ROR2: variants seen among roughly 807,000 people sequenced by gnomAD.
ROR2 encodes the protein ROR family WNT receptor 2.
Under a neutral mutation model 74.9 loss-of-function variants are expected in ROR2, and 33 were observed. The observed-to-expected ratio is 0.44, with a 90% confidence interval of 0.33 to 0.59. The LOEUF (loss-of-function observed/expected upper bound fraction) is 0.59. ROR2 is among the 20% of genes least tolerant of loss of function. The pLI, the probability that ROR2 is intolerant of heterozygous loss-of-function variation, is 0.02. For missense variants in ROR2, 1,216 were observed against 1,313.8 expected (o/e 0.93, Z 1.15); for synonymous variants, 586 against 558.7 (o/e 1.05, Z -0.69).
intron 1 of ROR2, among the ~76,000 whole-genome samples, chr9:91,944,970 A>G (rs1831974485): frequency 6.6e-6 from 1 of 152,134 alleles, no homozygotes; most frequent in Non-Finnish European, 1.5e-5. Context: ...ATGGGAGGAT[A>G]ACTTGAGCCC....
At chr9:91,908,976 A>G (rs1259891355) in intron 1 of ROR2, among the ~76,000 whole-genome samples, 1 of 152,200 alleles carries the variant, frequency 6.6e-6, no homozygotes, top group Non-Finnish European at 1.5e-5. Flanking sequence ...TGTTGTCAGT[A>G]TCGAGCCAAC....
chr9:91,737,661 T>G, intron 4 of ROR2, 143 bp from the exon 5 acceptor site: 1 of 1,113,592 alleles, frequency 9.0e-7, no homozygotes, highest in Non-Finnish European at 1.3e-6. Flanking sequence ...GTAGAACACA[T>G]AAGTCACACA....
intron 1 of ROR2, chr9:91,887,323 G>A (rs1830310720): frequency 6.6e-6 from 1 of 152,184 alleles, no homozygotes; most frequent in African/African-American, 2.4e-5. Flanking sequence ...CCCCTCCAAT[G>A]GCACCCACAA....
At chr9:91,894,453 G>C (rs893199063) in intron 1 of ROR2, among the ~76,000 whole-genome samples, 24 of 152,190 alleles carry the variant, frequency 1.6e-4, no homozygotes, top group African/African-American at 5.1e-4. Flanking sequence ...TTGGTGTCCA[G>C]TGAGGCAATT....
At chr9:91,753,149 T>A (rs985565232) in intron 4 of ROR2, among the ~76,000 whole-genome samples, 6 of 152,218 alleles carry the variant, frequency 3.9e-5, no homozygotes, top group Admixed American at 3.3e-4. Context: ...AAGGAAATCA[T>A]GACATTCTTT....
intron 1 of ROR2, among the ~76,000 whole-genome samples, chr9:91,936,340 A>G (rs1379534096): frequency 6.6e-6 from 1 of 152,066 alleles, no homozygotes; most frequent in Non-Finnish European, 1.5e-5. Flanking sequence ...GCTCCTTCTG[A>G]GGGTCCTCGG....
rs548634783 is a variant in ROR2, at chr9:91,822,341, T to C, written c.98-46523A>G. On this transcript the variant is annotated intron_variant, in intron 1 of 8. Transcript: ENST00000375708. The stretch of plus-strand genomic sequence containing the variant: ...AACAGTTCATCTTCACTCTGGACGA[T>C]GTGGATGTATAATACAAGGTGAGCT... 1.4e-4 allele frequency among the ~76,000 whole-genome samples: 21 copies of C among 152,248 alleles called. No homozygotes were observed. The South Asian group carries it at 4.2e-3, about 30-fold the overall frequency.
intron 1 of ROR2, among the ~76,000 whole-genome samples, chr9:91,783,315 T>C (rs566699422): frequency 2.0e-5 from 3 of 152,316 alleles, no homozygotes; most frequent in South Asian, 2.1e-4. Flanking sequence ...GGGAAAGCAT[T>C]ATTTGTCTTC....
At chr9:91,864,098 C>G (rs1421576644) in intron 1 of ROR2, among the ~76,000 whole-genome samples, 1 of 152,130 alleles carries the variant, frequency 6.6e-6, no homozygotes, top group Non-Finnish European at 1.5e-5. Flanking sequence ...CTCCTGGACC[C>G]CCTTAAATAT....
chr9:91,874,577 C>G (rs1829902867), intron 1 of ROR2, among the ~76,000 whole-genome samples: 1 of 152,196 alleles, frequency 6.6e-6, no homozygotes, highest in Non-Finnish European at 1.5e-5. Context: ...GCCTGCTTCA[C>G]AGATTTCTTC....
intron 1 of ROR2, among the ~76,000 whole-genome samples, chr9:91,878,350 C>G (rs2119356199): frequency 6.6e-6 from 1 of 152,266 alleles, no homozygotes; most frequent in East Asian, 1.9e-4. Context: ...GATGATTCAC[C>G]CCTCATGGTC....
chr9:91,919,590 G>GTT (rs143540271), intron 1 of ROR2, among the ~76,000 whole-genome samples: 3,178 of 151,524 alleles, frequency 0.021, 112 homozygotes, highest in African/African-American at 0.073. Flanking sequence ...CCTCATTTAG[G>GTT]TTTTTTTTTC....
intron 1 of ROR2, among the ~76,000 whole-genome samples, chr9:91,879,267 C>T (rs1178897332): frequency 6.6e-6 from 1 of 152,174 alleles, no homozygotes; most frequent in Non-Finnish European, 1.5e-5. Flanking sequence ...AGACCTCCAC[C>T]TTGGTAGGGC....
At chr9:91,856,742 G>A (rs1338135654) in intron 1 of ROR2, among the ~76,000 whole-genome samples, 1 of 152,220 alleles carries the variant, frequency 6.6e-6, no homozygotes, top group African/African-American at 2.4e-5. Flanking sequence ...AGACTGAGCT[G>A]ACAAATACGA....
chr9:91,926,329 G>A (rs1831394203), intron 1 of ROR2, among the ~76,000 whole-genome samples: 1 of 151,676 alleles, frequency 6.6e-6, no homozygotes, highest in South Asian at 2.1e-4. Flanking sequence ...CTTGCAGTGA[G>A]CCAAGATCAT....
intron 2 of ROR2, among the ~76,000 whole-genome samples, chr9:91,769,677 C>T (rs1252573595): frequency 6.6e-6 from 1 of 152,122 alleles, no homozygotes; most frequent in African/African-American, 2.4e-5. Context: ...AGCCATTGCC[C>T]CTACGTCCTC....
chr9:91,827,620 G>A (rs1828335448), intron 1 of ROR2, among the ~76,000 whole-genome samples: 2 of 152,148 alleles, frequency 1.3e-5, no homozygotes, highest in Admixed American at 1.3e-4. Context: ...CAGGGGGTGG[G>A]TTCAGGATGC....
intron 1 of ROR2, among the ~76,000 whole-genome samples, chr9:91,907,633 C>T (rs1373912041): frequency 2.0e-5 from 3 of 152,176 alleles, no homozygotes; most frequent in Non-Finnish European, 4.4e-5. Context: ...TGCTGGGAAA[C>T]CTGGCGCTTC....
intron 1 of ROR2, among the ~76,000 whole-genome samples, chr9:91,800,585 G>A (rs1401709034): frequency 1.3e-5 from 2 of 152,088 alleles, no homozygotes; most frequent in Admixed American, 6.5e-5. Flanking sequence ...TTGAGTTACT[G>A]AGCTTACTGT....
Sources: allele counts gnomAD v4.1 joint callset (sites outside exome capture counted in the v4.1 genomes callset), GRCh38; gene constraint gnomAD v4.1.1; transcripts MANE v1.5; gene names NCBI Gene and HGNC (gene_info 2026-07-23, HGNC 2026-07-21).